TEAD1: variants seen among roughly 807,000 people sequenced by gnomAD.
TEAD1 encodes the protein transcriptional enhancer factor TEF-1.
Under a neutral mutation model 54.9 loss-of-function variants are expected in TEAD1, and 9 were observed. The observed-to-expected ratio is 0.16, with a 90% CI of 0.10 to 0.29. The LOEUF (loss-of-function observed/expected upper bound fraction) is 0.29. Ranked by LOEUF, TEAD1 falls within the 10% of genes least tolerant of loss-of-function variation. TEAD1 has a pLI of 1.00. For missense variants in TEAD1, 387 were observed against 535.9 expected, an observed-to-expected ratio of 0.72 and a Z score of 2.74; for synonymous variants, 200 against 187.8, an observed-to-expected ratio of 1.07 and a Z score of -0.53.
chr11:12,839,128 G>A (rs1165643064), intron 3 of TEAD1, among the ~76,000 whole-genome samples: 4 of 151,658 alleles, frequency 2.6e-5, no homozygotes, highest in Non-Finnish European at 5.9e-5. Flanking sequence ...AAAAAACTGG[G>A]AGCCGGGCAT....
intron 2 of TEAD1, among the ~76,000 whole-genome samples, chr11:12,698,525 TA>T (rs956102004): frequency 6.6e-6 from 1 of 151,716 alleles, no homozygotes; most frequent in African/African-American, 2.4e-5. Context: ...TTTTTTTTTT[TA>T]AATATTGATT....
intron 3 of TEAD1, among the ~76,000 whole-genome samples, chr11:12,765,397 C>G (rs57987079): frequency 0.034 from 5,213 of 152,268 alleles, 320 homozygotes; most frequent in African/African-American, 0.12. Context: ...TAAAAAGATG[C>G]AAACACAAAT....
At chr11:12,704,586 T>C (rs1165995006) in intron 2 of TEAD1, among the ~76,000 whole-genome samples, 1 of 152,260 alleles carries the variant, frequency 6.6e-6, no homozygotes. Flanking sequence ...CAAGCCTTCC[T>C]TTTATTCCCT....
At chr11:12,796,605 G>T (rs1175684034) in intron 3 of TEAD1, among the ~76,000 whole-genome samples, 1 of 151,784 alleles carries the variant, frequency 6.6e-6, no homozygotes, top group Non-Finnish European at 1.5e-5. Context: ...CACACCTGTA[G>T]TCTCAGCTAC....
chr11:12,733,054 G>C (rs962348216), intron 2 of TEAD1, among the ~76,000 whole-genome samples: 1 of 152,144 alleles, frequency 6.6e-6, no homozygotes, highest in African/African-American at 2.4e-5. Context: ...CAGCAGCATA[G>C]CACCTCCATT....
chr11:12,778,529 C>CTTTT (rs775536398), intron 3 of TEAD1, among the ~76,000 whole-genome samples: 2 of 125,808 alleles, frequency 1.6e-5, no homozygotes, highest in Non-Finnish European at 1.7e-5. Context: ...TCATCAGACT[C>CTTTT]TTTTTTTTTT....
intron 11 of TEAD1, among the ~76,000 whole-genome samples, chr11:12,925,612 TC>T (rs1317712551): frequency 6.6e-6 from 1 of 152,220 alleles, no homozygotes; most frequent in Admixed American, 6.5e-5. Context: ...AAATAGGATG[TC>T]CCGTGCCAGT....
chr11:12,912,420 A>G (rs1948633064), intron 10 of TEAD1, among the ~76,000 whole-genome samples: 1 of 152,180 alleles, frequency 6.6e-6, no homozygotes, highest in African/African-American at 2.4e-5. Context: ...TTTAAACAGA[A>G]TCTTGATAGA....
chr11:12,704,977 G>A (rs1413679118), intron 2 of TEAD1, among the ~76,000 whole-genome samples: 5 of 152,196 alleles, frequency 3.3e-5, no homozygotes, highest in Non-Finnish European at 4.4e-5. Flanking sequence ...TTGCAAAGTA[G>A]ACATTCAATG....
chr11:12,858,377 C>G (rs7122136), intron 3 of TEAD1, among the ~76,000 whole-genome samples: 5,233 of 152,140 alleles, frequency 0.034, 328 homozygotes, highest in African/African-American at 0.12. Context: ...TTTGATATTT[C>G]AAGTAATTAA....
intron 3 of TEAD1, among the ~76,000 whole-genome samples, chr11:12,771,310 AC>A (rs1945307137): frequency 6.6e-6 from 1 of 152,154 alleles, no homozygotes; most frequent in African/African-American, 2.4e-5. Flanking sequence ...AGGAGAGATG[AC>A]ATGTCTCAGC....
At chr11:12,829,741 GTTT>G (rs1946733601) in intron 3 of TEAD1, among the ~76,000 whole-genome samples, 1 of 152,204 alleles carries the variant, frequency 6.6e-6, no homozygotes, top group African/African-American at 2.4e-5. Flanking sequence ...TCAGTCAGGT[GTTT>G]ATAAGATTGA....
intron 2 of TEAD1, among the ~76,000 whole-genome samples, chr11:12,751,013 CAT>C (rs1303270322): frequency 6.6e-6 from 1 of 152,260 alleles, no homozygotes; most frequent in East Asian, 1.9e-4. Flanking sequence ...GAATGCCAAA[CAT>C]AGAAAAATGA....
chr11:12,940,790 C>T lies in TEAD1; in HGVS notation c.*3568C>T, dbSNP rs1184458163. 2.6e-5 allele frequency: 4 copies of T among 152,132 alleles called. No individual in the cohort carries two copies. Among genetic ancestry groups the T allele is most frequent in the African/African-American group, 9.7e-5 (4 of 41,420 alleles). The allele number at this position is 152,132 out of a possible 1,614,324, so 9.4% of individuals were successfully genotyped here. A position where few individuals can be genotyped will look rare whatever the true frequency, so the allele number is the denominator to read the frequency against. ...AACCTTTACTTATTTCGGCATATTT[C>T]CTCTGGGCTTCTTCTAGTTTCTGCC... On this transcript the variant is annotated 3_prime_UTR_variant, in exon 13 of 13. Transcript: ENST00000527636.
At chr11:12,700,686 A>G (rs1344632797) in intron 2 of TEAD1, among the ~76,000 whole-genome samples, 1 of 152,110 alleles carries the variant, frequency 6.6e-6, no homozygotes, top group Non-Finnish European at 1.5e-5. Flanking sequence ...GAAGTGTGGG[A>G]TATTTGAATG....
intron 3 of TEAD1, among the ~76,000 whole-genome samples, chr11:12,816,422 C>CT (rs890945752): frequency 3.2e-4 from 49 of 152,316 alleles, no homozygotes; most frequent in African/African-American, 1.1e-3. Flanking sequence ...TCTGCACGCT[C>CT]TTTTTCCAGG....
chr11:12,888,422 T>C (rs1948134591), intron 9 of TEAD1, among the ~76,000 whole-genome samples: 2 of 152,132 alleles, frequency 1.3e-5, no homozygotes, highest in African/African-American at 2.4e-5. Context: ...GGCAGGAGAA[T>C]CGCTTGAACC....
At chr11:12,834,763 CTTT>C (rs61145299) in intron 3 of TEAD1, among the ~76,000 whole-genome samples, 1 of 104,742 alleles carries the variant, frequency 9.5e-6, no homozygotes, top group African/African-American at 3.8e-5. Context: ...TGTGCCCACT[CTTT>C]TTTTTTTTTT....
intron 3 of TEAD1, among the ~76,000 whole-genome samples, chr11:12,813,051 T>A (rs1168769755): frequency 6.6e-6 from 1 of 152,172 alleles, no homozygotes; most frequent in Non-Finnish European, 1.5e-5. Context: ...TAGTGAACTT[T>A]TATCAGTGAG....
Sources: allele counts gnomAD v4.1 joint callset (sites outside exome capture counted in the v4.1 genomes callset), GRCh38; gene constraint gnomAD v4.1.1; transcripts MANE v1.5; gene names NCBI Gene and HGNC (gene_info 2026-07-23, HGNC 2026-07-21).